The following TRAF3IP2 variants were observed in gnomAD, a reference collection of about 807,000 sequenced individuals.
TRAF3IP2 encodes TRAF3 interacting protein 2.
TRAF3IP2 carries 35 observed loss-of-function variants against 57.9 expected under a neutral mutation model. That is an observed-to-expected ratio of 0.60 (90% CI 0.46 to 0.80). The LOEUF (loss-of-function observed/expected upper bound fraction) is 0.80, where lower values mean the gene tolerates loss of function less well. TRAF3IP2 is among the 30% of genes least tolerant of loss of function. TRAF3IP2 has a pLI of 0.00. For missense variants in TRAF3IP2, 556 were observed against 706.4 expected, an observed-to-expected ratio of 0.79 and a Z score of 2.41; for synonymous variants, 251 against 268.9, an observed-to-expected ratio of 0.93 and a Z score of 0.65.
intron 4 of TRAF3IP2, among the ~76,000 whole-genome samples, chr6:111,575,197 C>T (rs1484319472): frequency 6.6e-6 from 1 of 151,998 alleles, no homozygotes; most frequent in Non-Finnish European, 1.5e-5. Flanking sequence ...GCACTCCCGC[C>T]TAGGCAACAG....
intron 1 of TRAF3IP2, chr6:111,598,185 T>C (rs1220126833): frequency 4.5e-6 from 1 of 222,392 alleles, no homozygotes; most frequent in Admixed American, 5.3e-5. Flanking sequence ...GTTTATTGTA[T>C]GTAAAATACT....
At position 111,567,460 on chromosome 6, in the gene TRAF3IP2, T is replaced by C. The variant is rs1012840719; in HGVS notation, c.1359+164A>G. Reference sequence around the variant, plus strand: ...CATGTCCAAGAGGGCGACTCCGTCCTTCCTTTCCAAGTCTTTGCACGGCTT... The same window carrying C: ...CATGTCCAAGAGGGCGACTCCGTCCCTCCTTTCCAAGTCTTTGCACGGCTT... On this transcript the variant is annotated intron_variant, in intron 6 of 8. Transcript: ENST00000368761. 4.5e-6 allele frequency: 6 copies of C among 1,322,574 alleles called. No individual in the cohort carries two copies. In the African/African-American group the frequency reaches 7.6e-5, roughly 17 times the overall value. 81.9% of individuals were successfully genotyped at this position (1,322,574 alleles called of 1,614,324 possible).
intron 1 of TRAF3IP2, among the ~76,000 whole-genome samples, chr6:111,597,502 A>G (rs1440024420): frequency 6.6e-6 from 1 of 152,220 alleles, no homozygotes; most frequent in African/African-American, 2.4e-5. Context: ...AGTCATAGAG[A>G]ACAATTACAA....
intron 2 of TRAF3IP2, 38 bp from the exon 3 acceptor site, chr6:111,580,427 A>C (rs1796120086): frequency 2.0e-6 from 3 of 1,501,024 alleles, no homozygotes; most frequent in African/African-American, 1.4e-5. Context: ...GGGAACATCA[A>C]CTCTAGCTCC....
At chr6:111,562,105 CCA>C (rs1379253231) in intron 8 of TRAF3IP2, among the ~76,000 whole-genome samples, 1 of 152,202 alleles carries the variant, frequency 6.6e-6, no homozygotes, top group East Asian at 1.9e-4. Flanking sequence ...CATGTTTACT[CCA>C]CCACTGCCTT....
intron 1 of TRAF3IP2, among the ~76,000 whole-genome samples, chr6:111,597,560 T>G (rs1796729353): frequency 6.6e-6 from 1 of 152,262 alleles, no homozygotes; most frequent in Admixed American, 6.5e-5. Context: ...ATGTCAAGGA[T>G]GGCAGTTTTA....
intron 1 of TRAF3IP2, among the ~76,000 whole-genome samples, chr6:111,596,669 G>A (rs1362936520): frequency 6.6e-6 from 1 of 152,184 alleles, no homozygotes; most frequent in African/African-American, 2.4e-5. Context: ...GGCCAGACTG[G>A]TCTCAAACTC....
At chr6:111,567,114 G>A (rs1352763481) in intron 6 of TRAF3IP2, 11 of 937,238 alleles carry the variant, frequency 1.2e-5, no homozygotes, top group East Asian at 1.1e-4. Context: ...ACACGGACAC[G>A]CTGGCAGCAA....
intron 2 of TRAF3IP2, among the ~76,000 whole-genome samples, chr6:111,582,502 T>C (rs1380922752): frequency 6.6e-6 from 1 of 152,136 alleles, no homozygotes; most frequent in African/African-American, 2.4e-5. Flanking sequence ...GAGACTCCTA[T>C]GGTCTAGGAC....
chr6:111,598,016 C>A, intron 1 of TRAF3IP2: 1 of 415,176 alleles, frequency 2.4e-6, no homozygotes, highest in Non-Finnish European at 4.7e-6. Context: ...AGCCCCCATG[C>A]TGGCAGTGCC....
In TRAF3IP2 at chr6:111,575,707, A is replaced by G; in HGVS notation, c.1137T>C (p.Pro379=). The change falls in exon 4 of 9, where the codon CCT becomes CCC. Residue 379 remains proline, a synonymous_variant. Transcript: ENST00000368761. Reference sequence around the variant, plus strand: ...TGGCTGGAGGGTTGCTAGGGGGTCTAGGCACAGCAGCTGGGGACGGAGGCT... The same window carrying G: ...TGGCTGGAGGGTTGCTAGGGGGTCTGGGCACAGCAGCTGGGGACGGAGGCT... ...VPQPPSPAAV[P]RPPSNPPARG... is the part of the protein sequence containing the mutation. 1 of 1,613,128 alleles carries G rather than the reference A, an allele frequency of 6.2e-7. No homozygotes were observed. The highest frequency in any genetic ancestry group is 1.7e-5 in the Admixed American group (1 of 59,834).
intron 5 of TRAF3IP2, 190 bp downstream of exon 5, chr6:111,572,705 T>C (rs777467712): frequency 2.0e-5 from 12 of 590,608 alleles, no homozygotes; most frequent in Non-Finnish European, 3.6e-5. Context: ...AGGAAAAAAA[T>C]GCTGGAGACT....
intron 8 of TRAF3IP2, among the ~76,000 whole-genome samples, chr6:111,562,175 G>C (rs1795469142): frequency 6.6e-6 from 1 of 152,200 alleles, no homozygotes; most frequent in South Asian, 2.1e-4. Context: ...CTCCAAACTT[G>C]CTGGCAGACC....
intron 3 of TRAF3IP2, among the ~76,000 whole-genome samples, chr6:111,579,338 A>T (rs953341133): frequency 2.7e-5 from 4 of 150,922 alleles, no homozygotes; most frequent in Non-Finnish European, 5.9e-5. Context: ...AAAAAAAAAA[A>T]AAGATTGAAG....
rs188596084 is a variant in TRAF3IP2, at chr6:111,581,576, T to G, written c.830-1187A>C. Among the ~76,000 whole-genome samples, 80 of 152,282 alleles carry G rather than the reference T, an allele frequency of 5.3e-4. 1 individual carries two copies. The highest frequency in any genetic ancestry group is 1.5e-3 in the Admixed American group (23 of 15,294). On this transcript the variant is annotated intron_variant, in intron 2 of 8. Coordinates refer to ENST00000368761, the MANE Select transcript of TRAF3IP2 (RefSeq NM_147686.4). Reference sequence around the variant, plus strand: ...ATGTAATAATCAAGTTTGCCTGCCATGTAGATAGGATACATATATGGATGT... The same window carrying G: ...ATGTAATAATCAAGTTTGCCTGCCAGGTAGATAGGATACATATATGGATGT...
chr6:111,568,717 TCCATCCATGATCCAGCCTCG>T (rs1311578087), intron 5 of TRAF3IP2, among the ~76,000 whole-genome samples: 10 of 152,034 alleles, frequency 6.6e-5, no homozygotes, highest in East Asian at 3.9e-4. Context: ...CCATCCATGA[TCCATCCATGATCCAGCCTCG>T]CCATCCATGA....
At chr6:111,566,639 A>G in intron 6 of TRAF3IP2, 79 bp from the exon 7 acceptor site, 2 of 1,213,248 alleles carry the variant, frequency 1.6e-6, no homozygotes, top group Non-Finnish European at 2.5e-6. Context: ...CACGGGGTGG[A>G]GGGCCAGGCT....
At chr6:111,572,697 GA>G in intron 5 of TRAF3IP2, 197 bp downstream of exon 5, 6 of 581,090 alleles carry the variant, frequency 1.0e-5, no homozygotes, top group Non-Finnish European at 1.2e-5. Context: ...CAGCATACAG[GA>G]AAAAAATGCT....
At position 111,595,117 on chromosome 6, in the gene TRAF3IP2, G is replaced by A. The variant is rs375001713; in HGVS notation, c.-8-3023C>T. ...TATGGTGGCAGGCACCTGTAACCCC[G>A]GCTACTTGGGAGACTGAGGCTGAAG... On this transcript the variant is annotated intron_variant, in intron 1 of 8. Coordinates refer to ENST00000368761, the MANE Select transcript of TRAF3IP2 (RefSeq NM_147686.4). Among the ~76,000 whole-genome samples, 87 of 151,940 alleles carry A rather than the reference G, an allele frequency of 5.7e-4. 1 individual carries two copies. Among genetic ancestry groups the A allele is most frequent in the African/African-American group, 2.0e-3 (84 of 41,420 alleles).
Sources: gnomAD v4.1 joint callset for allele counts (sites outside exome capture counted in the v4.1 genomes callset) on GRCh38, gnomAD v4.1.1 for gene constraint, MANE v1.5 for transcripts, NCBI Gene and HGNC (gene_info 2026-07-23, HGNC 2026-07-21) for gene names.